The following ADAM23 variants were observed in gnomAD, a reference collection of about 807,000 sequenced individuals.
ADAM23 encodes the protein disintegrin and metalloproteinase domain-containing protein 23.
ADAM23 carries 33 observed loss-of-function variants against 120.1 expected under a neutral mutation model. The ratio of observed to expected loss-of-function variants is 0.27; its 90% CI spans 0.21 to 0.37. ADAM23 has a LOEUF of 0.37. ADAM23 is among the 10% of genes least tolerant of loss of function. ADAM23 has a pLI of 1.00. For missense variants in ADAM23, 862 were observed against 1,058.2 expected (o/e 0.81, Z 2.57); for synonymous variants, 367 against 375.2 (o/e 0.98, Z 0.25).
chr2:206,581,965 C>T (rs1698226484), intron 18 of ADAM23, among the ~76,000 whole-genome samples: 1 of 152,080 alleles, frequency 6.6e-6, no homozygotes, highest in Non-Finnish European at 1.5e-5. Context: ...GCAACCTCTG[C>T]CTCCCAGGTT....
Position 206,596,262 on chromosome 2 carries a change from A to G in ADAM23, c.2359+100A>G, listed in dbSNP as rs926544956. 8.4e-6 allele frequency: 7 copies of G among 832,318 alleles called. No homozygotes were observed. In the African/African-American group the frequency reaches 1.0e-4, roughly 12 times the overall value. 51.6% of individuals were successfully genotyped at this position (832,318 alleles called of 1,614,324 possible). On this transcript the variant is annotated intron_variant, in intron 24 of 25. Transcript: ENST00000264377. ...CTAATTGACTTAAGAGGAGACACAT[A>G]AGAATATCTGTTTTTGCCTTTAAAG...
At chr2:206,558,223 C>G (rs1697685443) in intron 10 of ADAM23, among the ~76,000 whole-genome samples, 1 of 152,006 alleles carries the variant, frequency 6.6e-6, no homozygotes, top group South Asian at 2.1e-4. Flanking sequence ...TTTAAGTTGA[C>G]TAGTCAGAAA....
intron 3 of ADAM23, among the ~76,000 whole-genome samples, chr2:206,523,573 A>G (rs1696887835): frequency 6.6e-6 from 1 of 152,102 alleles, no homozygotes; most frequent in African/African-American, 2.4e-5. Context: ...AGGAGTGTAT[A>G]TTTTTTAGCT....
In ADAM23 at chr2:206,542,053, G is replaced by A. The variant is rs1559255767; in HGVS notation, c.575G>A (p.Gly192Asp). ...YENGKPQYSK[G>D]GEHCYYHGSI... Reference sequence around the variant, plus strand: ...CAATCAATGAAACCTGCTTTCCAGGGTGGAGAGCACTGTTACTACCATGGA... The same window carrying A: ...CAATCAATGAAACCTGCTTTCCAGGATGGAGAGCACTGTTACTACCATGGA... The change falls in exon 5 of 26, where the codon GGT becomes GAT. Residue 192 changes from glycine to aspartate, a missense_variant and splice_region_variant. Transcript: ENST00000264377. 1 of 1,613,964 alleles carries A rather than the reference G, an allele frequency of 6.2e-7. No homozygotes were observed. The highest frequency in any genetic ancestry group is 2.2e-5 in the East Asian group (1 of 44,870).
At chr2:206,592,072 T>C (rs1038353948) in intron 21 of ADAM23, among the ~76,000 whole-genome samples, 2 of 152,202 alleles carry the variant, frequency 1.3e-5, no homozygotes, top group South Asian at 4.1e-4. Context: ...AAGACCCAGA[T>C]AATTTCTGCC....
At chr2:206,587,234 A>G in intron 18 of ADAM23, 91 bp from the exon 19 acceptor site, 2 of 865,044 alleles carry the variant, frequency 2.3e-6, no homozygotes, top group South Asian at 1.9e-5. Context: ...CTAGTTATAT[A>G]TATCCACCAT....
intron 18 of ADAM23, among the ~76,000 whole-genome samples, chr2:206,583,092 A>T (rs1225383718): frequency 6.6e-6 from 1 of 152,154 alleles, no homozygotes; most frequent in African/African-American, 2.4e-5. Context: ...TTTCATGTCT[A>T]GGTCTCTCAC....
At chr2:206,582,120 C>T (rs892026158) in intron 18 of ADAM23, among the ~76,000 whole-genome samples, 7 of 152,192 alleles carry the variant, frequency 4.6e-5, no homozygotes, top group African/African-American at 7.2e-5. Flanking sequence ...CCAGGTGATC[C>T]GCCCGCCTTG....
chr2:206,561,053 G>A, intron 11 of ADAM23, 75 bp from the exon 12 acceptor site: 1 of 1,284,946 alleles, frequency 7.8e-7, no homozygotes, highest in Non-Finnish European at 1.1e-6. Flanking sequence ...CATGTAGGAG[G>A]GTAGACATAT....
At chr2:206,548,376 G>C in intron 8 of ADAM23, 22 bp downstream of exon 8, 1 of 1,601,720 alleles carries the variant, frequency 6.2e-7, no homozygotes, top group Non-Finnish European at 8.5e-7. Flanking sequence ...ATTGAGCCTT[G>C]GGTGGGCCTA....
Position 206,444,052 on chromosome 2 carries a change from C to T in ADAM23, c.186C>T (p.Pro62=). The T allele has an allele frequency of 7.1e-7, 1 of 1,398,736 alleles. No individual in the cohort carries two copies. The highest frequency in any genetic ancestry group is 9.3e-7 in the Non-Finnish European group (1 of 1,073,012). 86.6% of individuals were successfully genotyped at this position (1,398,736 alleles called of 1,614,324 possible). The change falls in exon 1 of 26, where the codon CCC becomes CCT. Residue 62 remains proline (P), a synonymous_variant. Transcript: ENST00000264377. ...CTCCGCTCGCCGCCTCGTCCCGGCCCCGCGCCTGGGGGGCTGCTGCGCCCA... is the reference window on the plus strand; with the variant it reads ...CTCCGCTCGCCGCCTCGTCCCGGCCTCGCGCCTGGGGGGCTGCTGCGCCCA... The part of the protein sequence containing the change: ...LLPPLAASSR[P]RAWGAAAPSA...
intron 25 of ADAM23, among the ~76,000 whole-genome samples, chr2:206,615,960 G>A (rs1698928381): frequency 6.6e-6 from 1 of 152,172 alleles, no homozygotes; most frequent in Admixed American, 6.5e-5. Context: ...CATGCACAGT[G>A]CTAGCTTGGT....
intron 2 of ADAM23, among the ~76,000 whole-genome samples, chr2:206,471,593 A>C (rs1195505038): frequency 6.6e-6 from 1 of 152,146 alleles, no homozygotes; most frequent in East Asian, 1.9e-4. Flanking sequence ...TCCAAAACTT[A>C]TATTTTATTT....
intron 3 of ADAM23, among the ~76,000 whole-genome samples, chr2:206,490,263 C>T (rs532835240): frequency 2.0e-5 from 3 of 152,252 alleles, no homozygotes; most frequent in South Asian, 2.1e-4. Flanking sequence ...TCTAGCCTTC[C>T]GAACTGTGAG....
At chr2:206,527,875 TTCTC>T (rs1696973719) in intron 3 of ADAM23, among the ~76,000 whole-genome samples, 1 of 152,174 alleles carries the variant, frequency 6.6e-6, no homozygotes, top group Non-Finnish European at 1.5e-5. Context: ...GGTGGTGTAT[TTCTC>T]TCAGTATTTG....
At chr2:206,599,499 A>G (rs1481425135) in intron 24 of ADAM23, among the ~76,000 whole-genome samples, 1 of 152,208 alleles carries the variant, frequency 6.6e-6, no homozygotes, top group African/African-American at 2.4e-5. Flanking sequence ...TTTAACCTCT[A>G]TTTAAAAAAT....
At chr2:206,556,520 G>A (rs1377516591) in intron 9 of ADAM23, among the ~76,000 whole-genome samples, 1 of 152,076 alleles carries the variant, frequency 6.6e-6, no homozygotes, top group Admixed American at 6.5e-5. Flanking sequence ...CCTTAGTGTT[G>A]TAGAAATAAT....
intron 3 of ADAM23, among the ~76,000 whole-genome samples, chr2:206,499,352 A>C (rs1342172984): frequency 6.6e-6 from 1 of 151,482 alleles, no homozygotes; most frequent in Admixed American, 6.6e-5. Flanking sequence ...AGGGACATGG[A>C]TGAAGCTGGA....
intron 18 of ADAM23, among the ~76,000 whole-genome samples, chr2:206,580,796 CAATTCTTTG>C (rs758972951): frequency 1.1e-4 from 17 of 152,028 alleles, no homozygotes; most frequent in Admixed American, 2.6e-4. Flanking sequence ...GGATTGGTAC[CAATTCTTTG>C]AATGTCTGGT....
Sources: allele counts gnomAD v4.1 joint callset (sites outside exome capture counted in the v4.1 genomes callset), GRCh38; gene constraint gnomAD v4.1.1; transcripts MANE v1.5; gene names NCBI Gene and HGNC (gene_info 2026-07-23, HGNC 2026-07-21).